Variants in MACROD2 observed in about 807,000 individuals in gnomAD.
MACROD2 encodes the protein ADP-ribose glycohydrolase MACROD2.
Under a neutral mutation model 70.4 loss-of-function variants are expected in MACROD2, and 36 were observed. That is an observed-to-expected ratio of 0.51 (90% CI 0.39 to 0.68). The LOEUF is 0.68. Among genes scored for constraint, MACROD2 ranks in the 30% least tolerant of loss-of-function variants. The probability of loss-of-function intolerance (pLI) is 0.00; values close to 1 mark genes in which losing one functional copy is unlikely to be tolerated. For missense variants in MACROD2, 496 were observed against 538.4 expected (o/e 0.92, Z 0.78); for synonymous variants, 172 against 178.8 (o/e 0.96, Z 0.30).
intron 8 of MACROD2, among the ~76,000 whole-genome samples, chr20:15,843,009 G>T (rs1305144391): frequency 6.6e-6 from 1 of 152,128 alleles, no homozygotes; most frequent in Non-Finnish European, 1.5e-5. Context: ...ACAGGAAACA[G>T]TAGACTAGAT....
intron 3 of MACROD2, among the ~76,000 whole-genome samples, chr20:14,200,955 T>TC (rs1427431851): frequency 1.3e-5 from 2 of 151,804 alleles, no homozygotes; most frequent in South Asian, 2.1e-4. Flanking sequence ...AATGTTTTTT[T>TC]TTTTTTAGCG....
At chr20:15,900,990 A>T (rs1044391037) in intron 10 of MACROD2, among the ~76,000 whole-genome samples, 4 of 152,186 alleles carry the variant, frequency 2.6e-5, no homozygotes, top group African/African-American at 9.6e-5. Flanking sequence ...ATTGAATTTG[A>T]AACAAGAAGA....
At chr20:14,673,154 G>A (rs935431428) in intron 4 of MACROD2, among the ~76,000 whole-genome samples, 5 of 152,180 alleles carry the variant, frequency 3.3e-5, no homozygotes, top group African/African-American at 1.2e-4. Context: ...TTTTAAGGGT[G>A]GGGACTCTTC....
intron 4 of MACROD2, among the ~76,000 whole-genome samples, chr20:14,501,085 C>A (rs1464428973): frequency 6.6e-6 from 1 of 150,670 alleles, no homozygotes; most frequent in Non-Finnish European, 1.5e-5. Flanking sequence ...TAACAGGCAA[C>A]CTGAGGATTA....
chr20:15,538,870 A>G (rs2047914277), intron 8 of MACROD2, among the ~76,000 whole-genome samples: 1 of 152,112 alleles, frequency 6.6e-6, no homozygotes, highest in Admixed American at 6.6e-5. Flanking sequence ...AATGGATTAA[A>G]TGGGTATTTG....
At chr20:14,266,181 C>G (rs2423781) in intron 3 of MACROD2, among the ~76,000 whole-genome samples, 1 of 152,128 alleles carries the variant, frequency 6.6e-6, no homozygotes, top group Non-Finnish European at 1.5e-5. Flanking sequence ...ATATAATACA[C>G]ATTCTCTAGG....
chr20:15,625,833 G>T (rs1041634322), intron 8 of MACROD2, among the ~76,000 whole-genome samples: 1 of 135,778 alleles, frequency 7.4e-6, no homozygotes, highest in Non-Finnish European at 1.5e-5. Flanking sequence ...CTTTCAGTCT[G>T]CCCCTCTCCT....
chr20:14,399,706 A>G (rs2083617693), intron 3 of MACROD2, among the ~76,000 whole-genome samples: 1 of 152,120 alleles, frequency 6.6e-6, no homozygotes, highest in South Asian at 2.1e-4. Flanking sequence ...ATGCATGCAT[A>G]TTAGGTTGTT....
At chr20:14,383,479 C>G (rs2083443348) in intron 3 of MACROD2, among the ~76,000 whole-genome samples, 1 of 152,102 alleles carries the variant, frequency 6.6e-6, no homozygotes, top group Admixed American at 6.5e-5. Context: ...TGTTAAATTG[C>G]CCTAGGCACT....
At chr20:14,218,623 T>G (rs2081644112) in intron 3 of MACROD2, among the ~76,000 whole-genome samples, 1 of 152,214 alleles carries the variant, frequency 6.6e-6, no homozygotes, top group East Asian at 1.9e-4. Context: ...TTTTGTTTTA[T>G]AGGTCCTGTG....
chr20:14,092,299 A>G (rs900904908), intron 3 of MACROD2, among the ~76,000 whole-genome samples: 3 of 152,002 alleles, frequency 2.0e-5, no homozygotes, highest in African/African-American at 7.3e-5. Context: ...TGCCACCTGT[A>G]TGTCTTTTTG....
chr20:14,214,478 CT>C (rs1414928550), intron 3 of MACROD2, among the ~76,000 whole-genome samples: 2 of 151,902 alleles, frequency 1.3e-5, no homozygotes, highest in African/African-American at 4.8e-5. Context: ...ATAATCTTTT[CT>C]CTGCCTAAAC....
At chr20:14,328,143 A>G (rs761885962) in intron 3 of MACROD2, among the ~76,000 whole-genome samples, 5 of 152,076 alleles carry the variant, frequency 3.3e-5, no homozygotes, top group Non-Finnish European at 5.9e-5. Flanking sequence ...TTGATTATTA[A>G]TGTCATTTCA....
intron 4 of MACROD2, among the ~76,000 whole-genome samples, chr20:14,649,427 C>T (rs753152519): frequency 2.6e-5 from 4 of 152,076 alleles, no homozygotes; most frequent in African/African-American, 9.7e-5. Context: ...AGAGCATCTC[C>T]GTTGCTTATA....
chr20:14,605,716 G>A, intron 4 of MACROD2, among the ~76,000 whole-genome samples: 1 of 152,002 alleles, frequency 6.6e-6, no homozygotes, highest in South Asian at 2.1e-4. Flanking sequence ...TTCTTTTACA[G>A]GATTTTTTTG....
intron 8 of MACROD2, among the ~76,000 whole-genome samples, chr20:15,756,863 G>T (rs1296063338): frequency 2.0e-5 from 3 of 152,150 alleles, no homozygotes; most frequent in East Asian, 3.9e-4. Context: ...TGTTAATCTG[G>T]CTCCTCCCTT....
intron 7 of MACROD2, among the ~76,000 whole-genome samples, chr20:15,496,156 G>A (rs1239416558): frequency 6.6e-6 from 1 of 152,226 alleles, no homozygotes; most frequent in Non-Finnish European, 1.5e-5. Context: ...GGCTTCAAAT[G>A]ATTGTGATGC....
rs181188085 is a variant in MACROD2, at chr20:14,799,003, T to C, written c.418+114044T>C. Among the ~76,000 whole-genome samples the C allele has an allele frequency of 6.5e-4, 99 of 152,146 alleles. 1 individual carries two copies. Among genetic ancestry groups the C allele is most frequent in the Non-Finnish European group, 1.0e-4 (7 of 67,980 alleles). Reference sequence around the variant, plus strand: ...AACAGTTGTATACAGTGAATATATATTGAAATGTAACAGTTAATTTAACAT... The same window carrying C: ...AACAGTTGTATACAGTGAATATATACTGAAATGTAACAGTTAATTTAACAT... On this transcript the variant is annotated intron_variant, in intron 5 of 17. Coordinates refer to ENST00000684519, the MANE Select transcript of MACROD2 (RefSeq NM_001351661.2).
chr20:14,791,377 G>T (rs117672641), intron 5 of MACROD2, among the ~76,000 whole-genome samples: 5,160 of 152,138 alleles, frequency 0.034, 129 homozygotes, highest in Non-Finnish European at 0.049. Flanking sequence ...ACTTACAAAA[G>T]ATGTGAGGTT....
Sources: allele counts gnomAD v4.1 joint callset (sites outside exome capture counted in the v4.1 genomes callset), GRCh38; gene constraint gnomAD v4.1.1; transcripts MANE v1.5; gene names NCBI Gene and HGNC (gene_info 2026-07-23, HGNC 2026-07-21).